Variants in PDZRN4 observed in about 807,000 individuals in gnomAD.
PDZRN4 encodes PDZ domain-containing RING finger protein 4.
PDZRN4 carries 70 observed loss-of-function variants against 99.0 expected under a neutral mutation model. That is an observed-to-expected ratio of 0.71 (90% confidence interval 0.58 to 0.86). PDZRN4 has a LOEUF of 0.86. Among genes scored for constraint, PDZRN4 ranks in the 40% least tolerant of loss-of-function variants. PDZRN4 has a pLI of 0.00. For missense variants in PDZRN4, 1,474 were observed against 1,331.2 expected, an observed-to-expected ratio of 1.11 and a Z score of -1.67; for synonymous variants, 551 against 501.6, an observed-to-expected ratio of 1.10 and a Z score of -1.32.
At chr12:41,555,241 A>AGAAAAGAAAAG (rs1555152865) in intron 6 of PDZRN4, among the ~76,000 whole-genome samples, 28 of 119,978 alleles carry the variant, frequency 2.3e-4, no homozygotes, top group Admixed American at 5.7e-4. Flanking sequence ...AAAAAAAAAA[A>AGAAAAGAAAAG]AAAAAAAAGA....
intron 3 of PDZRN4, among the ~76,000 whole-genome samples, chr12:41,203,223 C>T (rs1368726167): frequency 6.6e-6 from 1 of 151,796 alleles, no homozygotes; most frequent in East Asian, 1.9e-4. Flanking sequence ...ATTAAACAAG[C>T]AACAACAAAA....
chr12:41,476,389 G>A (rs1215356422), intron 3 of PDZRN4, among the ~76,000 whole-genome samples: 4 of 152,154 alleles, frequency 2.6e-5, no homozygotes, highest in Non-Finnish European at 2.9e-5. Flanking sequence ...CATTTTTATT[G>A]TAAATTGTTA....
chr12:41,560,785 C>A (rs903937810), intron 7 of PDZRN4, among the ~76,000 whole-genome samples: 4 of 152,184 alleles, frequency 2.6e-5, no homozygotes, highest in African/African-American at 9.6e-5. Flanking sequence ...TTCCTCAATT[C>A]TTTTCATTCC....
At chr12:41,280,924 A>C (rs1951381037) in intron 3 of PDZRN4, among the ~76,000 whole-genome samples, 1 of 151,932 alleles carries the variant, frequency 6.6e-6, no homozygotes, top group Non-Finnish European at 1.5e-5. Flanking sequence ...ACTAGGAGAC[A>C]CCTCCCAGCA....
At chr12:41,393,893 T>C (rs1159564670) in intron 3 of PDZRN4, among the ~76,000 whole-genome samples, 3 of 152,188 alleles carry the variant, frequency 2.0e-5, no homozygotes, top group Non-Finnish European at 4.4e-5. Flanking sequence ...GGTTGTTAGG[T>C]AGGCAGGTAC....
chr12:41,480,623 A>C (rs1437872573), intron 3 of PDZRN4, among the ~76,000 whole-genome samples: 1 of 152,136 alleles, frequency 6.6e-6, no homozygotes, highest in Non-Finnish European at 1.5e-5. Flanking sequence ...ACAAATCAAC[A>C]TTGCTATTAA....
At chr12:41,344,481 C>T (rs1951838548) in intron 3 of PDZRN4, among the ~76,000 whole-genome samples, 1 of 151,366 alleles carries the variant, frequency 6.6e-6, no homozygotes, top group African/African-American at 2.4e-5. Flanking sequence ...TTCATGTTCA[C>T]GTTTGTTTTC....
At chr12:41,293,178 T>TA (rs1379970092) in intron 3 of PDZRN4, among the ~76,000 whole-genome samples, 1 of 137,834 alleles carries the variant, frequency 7.3e-6, no homozygotes, top group Non-Finnish European at 1.6e-5. Flanking sequence ...AGCCAGAAGT[T>TA]AGTCATTGAA....
chr12:41,529,877 A>C (rs1266461820), intron 5 of PDZRN4, among the ~76,000 whole-genome samples: 1 of 152,048 alleles, frequency 6.6e-6, no homozygotes, highest in Non-Finnish European at 1.5e-5. Flanking sequence ...TTCTGGACCT[A>C]ATGTTCTGAT....
intron 7 of PDZRN4, among the ~76,000 whole-genome samples, chr12:41,558,798 A>G (rs531989933): frequency 6.6e-6 from 1 of 152,202 alleles, no homozygotes; most frequent in Non-Finnish European, 1.5e-5. Flanking sequence ...CTGTTTGCAC[A>G]CATAGGAAAC....
chr12:41,439,413 G>A (rs1383478202), intron 3 of PDZRN4, among the ~76,000 whole-genome samples: 1 of 152,132 alleles, frequency 6.6e-6, no homozygotes, highest in Non-Finnish European at 1.5e-5. Flanking sequence ...GGTGGTGGAG[G>A]AGCAGAGGAG....
intron 3 of PDZRN4, among the ~76,000 whole-genome samples, chr12:41,357,782 C>T (rs10785252): frequency 0.37 from 56,705 of 151,798 alleles, 10,666 homozygotes; most frequent in Non-Finnish European, 0.39. Flanking sequence ...TAGCAACAGC[C>T]ATGCAGCCAC....
rs538947958 is a variant in PDZRN4, at chr12:41,413,561, C to T, written c.844-92895C>T. 3.3e-5 allele frequency among the ~76,000 whole-genome samples: 5 copies of T among 152,184 alleles called. 1 individual carries two copies. Among genetic ancestry groups the T allele is most frequent in the African/African-American group, 9.6e-5 (4 of 41,532 alleles). Reference sequence around the variant, plus strand: ...AAGAAATGATCAATGTTTAAGATGACGGACGTGCTAATTATCCTGATATGA... The same window carrying T: ...AAGAAATGATCAATGTTTAAGATGATGGACGTGCTAATTATCCTGATATGA... On this transcript the variant is annotated intron_variant, in intron 3 of 9. Transcript: ENST00000402685.
At chr12:41,323,264 A>C (rs1196998442) in intron 3 of PDZRN4, among the ~76,000 whole-genome samples, 5 of 152,226 alleles carry the variant, frequency 3.3e-5, no homozygotes, top group Non-Finnish European at 7.3e-5. Flanking sequence ...GGAAATATTT[A>C]AATAAAGTAA....
chr12:41,519,312 C>A (rs1320949645), intron 5 of PDZRN4, among the ~76,000 whole-genome samples: 1 of 152,020 alleles, frequency 6.6e-6, no homozygotes, highest in Non-Finnish European at 1.5e-5. Flanking sequence ...GCTGGGCTCT[C>A]AACTACGTGC....
chr12:41,330,570 C>T (rs1191593032), intron 3 of PDZRN4, among the ~76,000 whole-genome samples: 3 of 149,492 alleles, frequency 2.0e-5, no homozygotes, highest in Non-Finnish European at 4.4e-5. Flanking sequence ...AAAATTAAAA[C>T]ATCTAATGTG....
At chr12:41,359,557 G>A (rs367586577) in intron 3 of PDZRN4, among the ~76,000 whole-genome samples, 3 of 151,894 alleles carry the variant, frequency 2.0e-5, no homozygotes, top group Admixed American at 1.3e-4. Flanking sequence ...ATCATGGGGC[G>A]GGGGGTTCTT....
intron 5 of PDZRN4, among the ~76,000 whole-genome samples, chr12:41,542,206 G>A (rs1348783668): frequency 6.6e-6 from 1 of 152,214 alleles, no homozygotes; most frequent in African/African-American, 2.4e-5. Context: ...AGGAAAGACA[G>A]TTTACAAATG....
intron 3 of PDZRN4, among the ~76,000 whole-genome samples, chr12:41,270,094 G>A (rs944995429): frequency 7.2e-5 from 11 of 152,130 alleles, no homozygotes; most frequent in African/African-American, 2.6e-4. Flanking sequence ...TTAATTTCAC[G>A]TTTGCCCATT....
Sources: allele counts gnomAD v4.1 joint callset (sites outside exome capture counted in the v4.1 genomes callset), GRCh38; gene constraint gnomAD v4.1.1; transcripts MANE v1.5; gene names NCBI Gene and HGNC (gene_info 2026-07-23, HGNC 2026-07-21).